Variants in ADAMTSL3 observed in about 807,000 individuals in gnomAD.
The protein encoded by ADAMTSL3 is ADAMTS like 3.
ADAMTSL3 carries 128 observed loss-of-function variants against 201.7 expected under a neutral mutation model. That is an observed-to-expected ratio of 0.63 (90% CI 0.55 to 0.73). The LOEUF is 0.73. Among genes scored for constraint, ADAMTSL3 ranks in the 30% least tolerant of loss-of-function variants. ADAMTSL3 has a pLI of 0.00. For synonymous variants in ADAMTSL3, 738 were observed against 748.4 expected (o/e 0.99, Z 0.23); for missense variants, 1,990 against 2,119.6 (o/e 0.94, Z 1.20).
intron 7 of ADAMTSL3, among the ~76,000 whole-genome samples, chr15:83,851,735 G>A (rs961168909): frequency 6.6e-6 from 1 of 152,086 alleles, no homozygotes; most frequent in African/African-American, 2.4e-5. Context: ...GTATCCTTCC[G>A]GGGATGAGGT....
chr15:83,838,011 A>G (rs2064308063), intron 6 of ADAMTSL3, 78 bp from the exon 7 acceptor site: 1 of 1,546,962 alleles, frequency 6.5e-7, no homozygotes, highest in Admixed American at 2.2e-5. Context: ...ATTACATCAC[A>G]ACTAAGCTTC....
At chr15:83,659,096 C>G (rs2061130513) in intron 2 of ADAMTSL3, among the ~76,000 whole-genome samples, 1 of 152,162 alleles carries the variant, frequency 6.6e-6, no homozygotes, top group South Asian at 2.1e-4. Context: ...TGTTTAGATT[C>G]TCTGGCAAAT....
chr15:83,739,954 A>G (rs576066943), intron 3 of ADAMTSL3: 16 of 529,476 alleles, frequency 3.0e-5, no homozygotes, highest in South Asian at 2.3e-4. Context: ...TGAGATGGGT[A>G]CTGGCAAGCA....
chr15:83,821,056 A>G (rs192600400), intron 6 of ADAMTSL3, among the ~76,000 whole-genome samples: 19 of 152,064 alleles, frequency 1.2e-4, no homozygotes, highest in Non-Finnish European at 1.0e-4. Context: ...TCTGAGTGAC[A>G]GAGCGAGACT....
intron 3 of ADAMTSL3, among the ~76,000 whole-genome samples, chr15:83,772,463 G>A (rs1259763129): frequency 6.6e-6 from 1 of 152,024 alleles, no homozygotes; most frequent in Non-Finnish European, 1.5e-5. Flanking sequence ...GTAGTATTCT[G>A]AATTAAGTCA....
chr15:83,666,341 T>A (rs996080629), intron 2 of ADAMTSL3, among the ~76,000 whole-genome samples: 3 of 152,208 alleles, frequency 2.0e-5, no homozygotes, highest in African/African-American at 7.2e-5. Context: ...CACATAATTT[T>A]TGGGTCAAGA....
rs555017814 is a variant in ADAMTSL3 at position 83,728,105 on chromosome 15, A to G, written c.189+23597A>G. Reference sequence around the variant, plus strand: ...ATCCTCTTGGTGTTTTGACCTCTTTATCATTATATAATGACTTTGTCTCTT... The same window carrying G: ...ATCCTCTTGGTGTTTTGACCTCTTTGTCATTATATAATGACTTTGTCTCTT... On this transcript the variant is annotated intron_variant, in intron 3 of 29. Transcript: ENST00000286744. Among the ~76,000 whole-genome samples, 10 of 151,996 alleles carry G rather than the reference A, an allele frequency of 6.6e-5. No homozygotes were observed. In the South Asian group the frequency reaches 2.1e-3, roughly 32 times the overall value.
At chr15:83,735,308 GAA>G (rs1346674225) in intron 3 of ADAMTSL3, among the ~76,000 whole-genome samples, 1 of 152,112 alleles carries the variant, frequency 6.6e-6, no homozygotes, top group Non-Finnish European at 1.5e-5. Flanking sequence ...CTGGGAGAGA[GAA>G]ACACAATCAG....
At chr15:83,689,023 A>G (rs558337285) in intron 2 of ADAMTSL3, among the ~76,000 whole-genome samples, 5 of 152,054 alleles carry the variant, frequency 3.3e-5, no homozygotes, top group Admixed American at 2.0e-4. Context: ...GAGTTTCACC[A>G]TGTTGCCCAG....
chr15:83,882,527 G>A (rs773820160), intron 9 of ADAMTSL3, among the ~76,000 whole-genome samples: 2 of 151,934 alleles, frequency 1.3e-5, no homozygotes, highest in Admixed American at 6.6e-5. Flanking sequence ...TAGTTCTTAG[G>A]TACATTCTTT....
intron 8 of ADAMTSL3, among the ~76,000 whole-genome samples, chr15:83,869,930 T>G (rs983435799): frequency 1.3e-5 from 2 of 152,142 alleles, no homozygotes; most frequent in African/African-American, 4.8e-5. Context: ...CCTAGCTGTA[T>G]ATACATTTTT....
intron 28 of ADAMTSL3, among the ~76,000 whole-genome samples, chr15:84,033,649 ACT>A (rs1012247702): frequency 6.6e-6 from 1 of 151,980 alleles, no homozygotes; most frequent in Admixed American, 6.6e-5. Context: ...ACAGAGCAAG[ACT>A]CTATCTCAAA....
At chr15:83,917,758 C>G (rs1004844574) in intron 16 of ADAMTSL3, among the ~76,000 whole-genome samples, 15 of 152,060 alleles carry the variant, frequency 9.9e-5, no homozygotes, top group Non-Finnish European at 1.9e-4. Context: ...CTCTGCAACT[C>G]TCTTTGTTTC....
chr15:83,928,830 C>G (rs536565445), intron 17 of ADAMTSL3, among the ~76,000 whole-genome samples: 1 of 152,176 alleles, frequency 6.6e-6, no homozygotes, highest in Non-Finnish European at 1.5e-5. Flanking sequence ...CATTTTCCCC[C>G]ACTTTATCAT....
chr15:83,873,985 C>T (rs1207750287), intron 9 of ADAMTSL3, among the ~76,000 whole-genome samples: 1 of 145,140 alleles, frequency 6.9e-6, no homozygotes, highest in Non-Finnish European at 1.5e-5. Context: ...TGATTTAGTC[C>T]CCATAACATT....
intron 29 of ADAMTSL3, 127 bp downstream of exon 29, chr15:84,037,114 C>A (rs2068526273): frequency 9.9e-7 from 1 of 1,005,704 alleles, no homozygotes; most frequent in South Asian, 1.6e-5. Context: ...AGGGGCTATT[C>A]AGAATGGATT....
At chr15:83,787,011 T>A (rs896850468) in intron 4 of ADAMTSL3, among the ~76,000 whole-genome samples, 3 of 152,186 alleles carry the variant, frequency 2.0e-5, no homozygotes, top group African/African-American at 4.8e-5. Flanking sequence ...GAGTGTGTGC[T>A]CACTATCGCC....
chr15:83,691,945 A>G (rs922062089), intron 2 of ADAMTSL3, among the ~76,000 whole-genome samples: 3 of 152,240 alleles, frequency 2.0e-5, no homozygotes, highest in African/African-American at 7.2e-5. Flanking sequence ...AAATAAATAT[A>G]GAATGGTATG....
At chr15:83,692,160 CT>C (rs2061617458) in intron 2 of ADAMTSL3, among the ~76,000 whole-genome samples, 1 of 148,960 alleles carries the variant, frequency 6.7e-6, no homozygotes, top group African/African-American at 2.5e-5. Context: ...TTTTTTCCTG[CT>C]GATTTATGAC....
Sources: gnomAD v4.1 joint callset for allele counts (sites outside exome capture counted in the v4.1 genomes callset) on GRCh38, gnomAD v4.1.1 for gene constraint, MANE v1.5 for transcripts, NCBI Gene and HGNC (gene_info 2026-07-23, HGNC 2026-07-21) for gene names.